Variants in TUBGCP4 observed in about 807,000 individuals in gnomAD.
TUBGCP4 encodes gamma-tubulin complex component 4.
In TUBGCP4, 54 loss-of-function variants were observed where a neutral mutation model predicts 91.6. That is an observed-to-expected ratio of 0.59 (90% confidence interval 0.47 to 0.74). The LOEUF (loss-of-function observed/expected upper bound fraction) is 0.74, where lower values mean the gene tolerates loss of function less well. TUBGCP4 is among the 30% of genes least tolerant of loss of function. The pLI is 0.00. For missense variants in TUBGCP4, 593 were observed against 800.9 expected, an observed-to-expected ratio of 0.74 and a Z score of 3.13; for synonymous variants, 297 against 302.8, an observed-to-expected ratio of 0.98 and a Z score of 0.20.
chr15:43,393,529 T>C lies in TUBGCP4; in HGVS notation c.1015-1578T>C, dbSNP rs140035987. On this transcript the variant is annotated intron_variant, in intron 9 of 17. Coordinates refer to ENST00000564079, the MANE Select transcript of TUBGCP4 (RefSeq NM_014444.5). ...GTTACATATGTATACATGTGCCATG[T>C]TGGTGTGCTGCACCCATTAACTCGT... Among the ~76,000 whole-genome samples, 979 of 152,148 alleles carry C rather than the reference T, an allele frequency of 6.4e-3. 9 individuals carry two copies. Among genetic ancestry groups the C allele is most frequent in the African/African-American group, 0.022 (917 of 41,498 alleles).
chr15:43,372,721 T>G (rs2142753653), intron 1 of TUBGCP4, among the ~76,000 whole-genome samples: 1 of 152,360 alleles, frequency 6.6e-6, no homozygotes, highest in South Asian at 2.1e-4. Flanking sequence ...CATTTCATCC[T>G]CAAGGTCTCA....
intron 12 of TUBGCP4, 101 bp from the exon 13 acceptor site, chr15:43,397,940 G>A: frequency 2.4e-6 from 3 of 1,251,538 alleles, no homozygotes; most frequent in South Asian, 1.5e-5. Context: ...TTGAACTCCT[G>A]TGAGCTCTAG....
At chr15:43,383,186 A>G in intron 6 of TUBGCP4, 117 bp from the exon 7 acceptor site, 1 of 793,176 alleles carries the variant, frequency 1.3e-6, no homozygotes, top group South Asian at 3.0e-5. Flanking sequence ...AAATAGCACA[A>G]TTATTTTTAA....
intron 7 of TUBGCP4, 34 bp from the exon 8 acceptor site, chr15:43,385,757 A>G: frequency 1.2e-6 from 2 of 1,609,564 alleles, no homozygotes; most frequent in Non-Finnish European, 1.7e-6. Flanking sequence ...CTTGCTTCAC[A>G]CTGCATCTCG....
Position 43,408,350 on chromosome 15 carries a change from G to A in TUBGCP4, c.*3136G>A, listed in dbSNP as rs1489184735. On this transcript the variant is annotated 3_prime_UTR_variant, in exon 18 of 18. Transcript: ENST00000564079. Reference sequence around the variant, plus strand: ...AAAAAAATTAGCTGGGTGTGGTGGCGAGTGCCTGTAGTCCCAGCAGCTTGG... The same window carrying A: ...AAAAAAATTAGCTGGGTGTGGTGGCAAGTGCCTGTAGTCCCAGCAGCTTGG... 1.7e-5 allele frequency: 6 copies of A among 360,890 alleles called. No homozygotes were observed. The highest frequency in any genetic ancestry group is 3.1e-5 in the Non-Finnish European group (6 of 193,684). The allele number at this position is 360,890 out of a possible 1,614,324, so 22.4% of individuals were successfully genotyped here. A position where few individuals can be genotyped will look rare whatever the true frequency, so the allele number is the denominator to read the frequency against.
At chr15:43,376,262 G>A in intron 2 of TUBGCP4, 36 bp downstream of exon 2, 1 of 1,611,088 alleles carries the variant, frequency 6.2e-7, no homozygotes, top group Non-Finnish European at 8.5e-7. Flanking sequence ...CACCTCTAGA[G>A]GGCAGGAGCT....
chr15:43,393,258 G>A (rs2044510528), intron 9 of TUBGCP4, among the ~76,000 whole-genome samples: 1 of 148,744 alleles, frequency 6.7e-6, no homozygotes, highest in Admixed American at 6.7e-5. Context: ...TCTCCAGGTT[G>A]GAGTGCAGTG....
chr15:43,395,211 C>T, intron 10 of TUBGCP4, 54 bp downstream of exon 10: 1 of 1,592,062 alleles, frequency 6.3e-7, no homozygotes, highest in Non-Finnish European at 8.6e-7. Flanking sequence ...CAGTGACTTG[C>T]ATTCTCTGAT....
intron 16 of TUBGCP4, chr15:43,404,019 T>C (rs2044770667): frequency 1.8e-6 from 1 of 561,532 alleles, no homozygotes; most frequent in Non-Finnish European, 3.2e-6. Flanking sequence ...CTGAATAGTT[T>C]ATTCAGCCCA....
chr15:43,401,661 GTCT>G lies in TUBGCP4; in HGVS notation c.1597-52_1597-50del, dbSNP rs922627905. 4.5e-5 allele frequency: 71 copies of G among 1,584,604 alleles called. No homozygotes were observed. In the African/African-American group the frequency reaches 8.9e-4, roughly 20 times the overall value. ...ATTTCAATCTGTCAGGCATCTTAAT[GTCT>G]TCGAGTGCTTAGAATATGCAAAGTG... On this transcript the variant is annotated intron_variant, in intron 14 of 17. Transcript: ENST00000564079.
intron 15 of TUBGCP4, chr15:43,402,818 A>T (rs1391971768): frequency 1.3e-5 from 2 of 152,244 alleles, no homozygotes; most frequent in Non-Finnish European, 2.9e-5. Context: ...TGGAACGGTT[A>T]TGCCTCCTCT....
intron 9 of TUBGCP4, among the ~76,000 whole-genome samples, chr15:43,393,367 G>A (rs1421964066): frequency 4.0e-5 from 6 of 151,468 alleles, no homozygotes; most frequent in Non-Finnish European, 7.4e-5. Flanking sequence ...CCGCCACCAC[G>A]CCCAGCCAGT....
chr15:43,402,302 AG>A (rs1299819087), intron 15 of TUBGCP4: 7 of 155,328 alleles, frequency 4.5e-5, no homozygotes, highest in South Asian at 1.9e-4. Flanking sequence ...AAAAAAAAAA[AG>A]AATGTGTAAA....
At position 43,371,415 on chromosome 15, in the gene TUBGCP4, A is replaced by T; in HGVS notation, c.61A>T (p.Lys21Ter). The T allele has an allele frequency of 6.2e-7, 1 of 1,614,026 alleles. No homozygotes were observed. Among genetic ancestry groups the T allele is most frequent in the Non-Finnish European group, 8.5e-7 (1 of 1,180,008 alleles). ...CCCTGGGTCCATTTTCACCTGGAAC[A>T]AGCGGAGTGGCCTGCAGGTACTGTC... ...GYPGSIFTWN[K>*]RSGLQVSQDF... The change falls in exon 1 of 18, where the codon AAG becomes TAG. Residue 21 changes from lysine to a stop codon, truncating the protein, a stop_gained. Coordinates refer to ENST00000564079, the MANE Select transcript of TUBGCP4 (RefSeq NM_014444.5). LOFTEE classifies it high-confidence loss of function.
chr15:43,404,041 T>A (rs562060830), intron 16 of TUBGCP4: 1 of 547,818 alleles, frequency 1.8e-6, no homozygotes, highest in African/African-American at 1.9e-5. Flanking sequence ...CAAATAAGCA[T>A]TGGGTTGTTC....
In TUBGCP4 at chr15:43,403,674, C is replaced by T. The variant is rs775972075; in HGVS notation, c.1732-9C>T. ...TCCTTTCCTAATGCCAACTCTGTTT[C>T]CCGGGTAGGTGTTTCACTGCCTGAA... is the stretch of plus-strand genomic sequence containing the variant. On this transcript the variant is annotated splice_polypyrimidine_tract_variant and intron_variant, in intron 15 of 17. Coordinates refer to ENST00000564079, the MANE Select transcript of TUBGCP4 (RefSeq NM_014444.5). The T allele has an allele frequency of 1.2e-5, 20 of 1,602,778 alleles. No individual in the cohort carries two copies. The East Asian group carries it at 1.3e-4, about 11-fold the overall frequency.
chr15:43,375,564 A>G (rs2044193066), intron 1 of TUBGCP4, among the ~76,000 whole-genome samples: 1 of 152,220 alleles, frequency 6.6e-6, no homozygotes, highest in Non-Finnish European at 1.5e-5. Flanking sequence ...GTAAATATGG[A>G]CACTAAATAT....
chr15:43,393,430 C>A (rs911974642), intron 9 of TUBGCP4, among the ~76,000 whole-genome samples: 1 of 151,242 alleles, frequency 6.6e-6, no homozygotes, highest in East Asian at 1.9e-4. Flanking sequence ...AGGATGGTTT[C>A]GATCTCTTTT....
intron 17 of TUBGCP4, 51 bp downstream of exon 17, chr15:43,404,603 A>C: frequency 1.3e-6 from 2 of 1,596,458 alleles, no homozygotes; most frequent in Non-Finnish European, 1.7e-6. Flanking sequence ...TGGCTTTTTA[A>C]TGAGTTGTAG....
Sources: allele counts gnomAD v4.1 joint callset (sites outside exome capture counted in the v4.1 genomes callset), GRCh38; gene constraint gnomAD v4.1.1; transcripts MANE v1.5; gene names NCBI Gene and HGNC (gene_info 2026-07-23, HGNC 2026-07-21).